The following GALNT11 variants were observed in gnomAD, a reference collection of about 807,000 sequenced individuals.
GALNT11 encodes polypeptide N-acetylgalactosaminyltransferase 11.
A neutral mutation model predicts 72.7 loss-of-function variants in GALNT11; 47 were observed. That is an observed-to-expected ratio of 0.65 (90% CI 0.51 to 0.82). The LOEUF (loss-of-function observed/expected upper bound fraction) is 0.82. GALNT11 is among the 40% of genes least tolerant of loss of function. The probability of loss-of-function intolerance (pLI) is 0.00; values close to 1 mark genes in which losing one functional copy is unlikely to be tolerated. For missense variants in GALNT11, 677 were observed against 778.4 expected (o/e 0.87, Z 1.55); for synonymous variants, 270 against 286.6 (o/e 0.94, Z 0.58).
chr7:152,081,281 G>T (rs561618889), intron 1 of GALNT11, among the ~76,000 whole-genome samples: 9 of 152,104 alleles, frequency 5.9e-5, no homozygotes, highest in Non-Finnish European at 1.2e-4. Context: ...TTTATAGCTG[G>T]TGTGGACTAT....
At chr7:152,113,712 CTTTTTTTTTTTTTTTTTT>C (rs6150397) in intron 8 of GALNT11, among the ~76,000 whole-genome samples, 90 of 96,998 alleles carry the variant, frequency 9.3e-4, no homozygotes, top group African/African-American at 2.6e-3. Flanking sequence ...AGTTGGCTTT[CTTTTTTTTTTTTTTTTTT>C]TTTTTTTTTT....
chr7:152,077,703 C>T (rs190034494), intron 1 of GALNT11, among the ~76,000 whole-genome samples: 51 of 152,112 alleles, frequency 3.4e-4, no homozygotes, highest in African/African-American at 1.1e-3. Context: ...TAACATCTCA[C>T]GCCTCAAATT....
At chr7:152,029,415 G>A (rs769328933) in intron 1 of GALNT11, among the ~76,000 whole-genome samples, 5 of 152,162 alleles carry the variant, frequency 3.3e-5, no homozygotes, top group Non-Finnish European at 7.3e-5. Flanking sequence ...CTGCACTGAC[G>A]GACTTGAGCT....
At chr7:152,085,069 T>C (rs1324885509) in intron 1 of GALNT11, among the ~76,000 whole-genome samples, 1 of 152,176 alleles carries the variant, frequency 6.6e-6, no homozygotes, top group African/African-American at 2.4e-5. Flanking sequence ...CATAGGCCTA[T>C]CCACATTTTT....
chr7:152,114,792 GCT>G (rs1047798689), intron 8 of GALNT11, among the ~76,000 whole-genome samples: 4 of 152,182 alleles, frequency 2.6e-5, no homozygotes, highest in African/African-American at 9.7e-5. Context: ...TGTATGCCAG[GCT>G]CTGTGTTAGG....
At chr7:152,118,057 A>C (rs972322703) in intron 9 of GALNT11, 4 of 152,100 alleles carry the variant, frequency 2.6e-5, no homozygotes, top group Admixed American at 1.3e-4. Context: ...AGCAGTGTCA[A>C]CTCTCCCTCA....
At chr7:152,089,184 AG>A (rs1054704911) in intron 1 of GALNT11, among the ~76,000 whole-genome samples, 1 of 152,052 alleles carries the variant, frequency 6.6e-6, no homozygotes, top group Non-Finnish European at 1.5e-5. Flanking sequence ...ATGAAATCAT[AG>A]GGGGGTGGAC....
intron 4 of GALNT11, chr7:152,104,626 AG>A (rs1413160108): frequency 6.6e-6 from 1 of 152,114 alleles, no homozygotes; most frequent in African/African-American, 2.4e-5. Context: ...TCATAATTTG[AG>A]GTGGTTTGTA....
At chr7:152,092,967 G>A (rs571470038) in intron 1 of GALNT11, among the ~76,000 whole-genome samples, 5 of 152,278 alleles carry the variant, frequency 3.3e-5, no homozygotes, top group East Asian at 1.9e-4. Context: ...GTGGCCTCAC[G>A]CCTGTAATCC....
chr7:152,084,172 T>A (rs1420299588), intron 1 of GALNT11, among the ~76,000 whole-genome samples: 1 of 151,706 alleles, frequency 6.6e-6, no homozygotes, highest in Admixed American at 6.6e-5. Context: ...TATTTTGGGG[T>A]TTTTTTGGGG....
At chr7:152,104,798 A>C (rs2087349618) in intron 4 of GALNT11, 2 of 152,318 alleles carry the variant, frequency 1.3e-5, no homozygotes, top group Admixed American at 6.5e-5. Context: ...TGTTCTTGTT[A>C]TTCTTGGTAG....
In GALNT11 at chr7:152,060,619, TC is replaced by T. The variant is rs543973447; in HGVS notation, c.-38-33563del. Among the ~76,000 whole-genome samples, 1,133 of 149,756 alleles carry T rather than the reference TC, an allele frequency of 7.6e-3. 16 individuals are homozygous for T. The highest frequency in any genetic ancestry group is 0.026 in the African/African-American group (1,078 of 40,866). On this transcript the variant is annotated intron_variant, in intron 1 of 11. Transcript: ENST00000430044. Reference sequence around the variant, plus strand: ...TAGGTATATCTCCTAATGCTATCCCTCCCCCCCCTCCACCCCACGACAGACC... The same window carrying T: ...TAGGTATATCTCCTAATGCTATCCCTCCCCCCCTCCACCCCACGACAGACC...
At chr7:152,075,015 T>A (rs1284828327) in intron 1 of GALNT11, 3 of 152,144 alleles carry the variant, frequency 2.0e-5, no homozygotes, top group Admixed American at 2.0e-4. Flanking sequence ...GCCAGAGGGA[T>A]CTCTCTGGGA....
intron 1 of GALNT11, among the ~76,000 whole-genome samples, chr7:152,028,169 A>G (rs9690999): frequency 0.15 from 22,580 of 152,188 alleles, 4,205 homozygotes; most frequent in African/African-American, 0.43. Context: ...GGACCCGAGC[A>G]GGTTGCCGCT....
chr7:152,089,954 G>A (rs747430682), intron 1 of GALNT11, among the ~76,000 whole-genome samples: 6 of 152,140 alleles, frequency 3.9e-5, no homozygotes, highest in Non-Finnish European at 7.4e-5. Context: ...ATTTTGCGAC[G>A]TCTGGCCACA....
At chr7:152,032,397 C>T (rs1007622570) in intron 1 of GALNT11, among the ~76,000 whole-genome samples, 31 of 152,158 alleles carry the variant, frequency 2.0e-4, no homozygotes, top group Admixed American at 5.2e-4. Context: ...CATTCTGCTT[C>T]CTCTGGTATT....
intron 5 of GALNT11, among the ~76,000 whole-genome samples, chr7:152,105,748 A>C (rs2087469962): frequency 6.6e-6 from 1 of 152,246 alleles, no homozygotes; most frequent in Non-Finnish European, 1.5e-5. Flanking sequence ...CAAACTGTCG[A>C]TTGGAACTAT....
At chr7:152,073,109 T>G (rs897532014) in intron 1 of GALNT11, among the ~76,000 whole-genome samples, 2 of 152,228 alleles carry the variant, frequency 1.3e-5, no homozygotes, top group Non-Finnish European at 2.9e-5. Flanking sequence ...TCAGAGTAAT[T>G]AGCATATCCA....
chr7:152,055,709 A>G (rs2083642394), intron 1 of GALNT11, among the ~76,000 whole-genome samples: 1 of 152,116 alleles, frequency 6.6e-6, no homozygotes, highest in African/African-American at 2.4e-5. Flanking sequence ...TATAAACTCA[A>G]TATTGAATCT....
Sources: gnomAD v4.1 joint callset for allele counts (sites outside exome capture counted in the v4.1 genomes callset) on GRCh38, gnomAD v4.1.1 for gene constraint, MANE v1.5 for transcripts, NCBI Gene and HGNC (gene_info 2026-07-23, HGNC 2026-07-21) for gene names.